The following TAB2 variants were observed in gnomAD, a reference collection of about 807,000 sequenced individuals.
TAB2 encodes TGF-beta-activated kinase 1 and MAP3K7-binding protein 2.
TAB2 carries 3 observed loss-of-function variants against 65.0 expected under a neutral mutation model. The ratio of observed to expected loss-of-function variants is 0.05; its 90% CI spans 0.02 to 0.12. TAB2 has a LOEUF of 0.12. Among genes scored for constraint, TAB2 ranks in the 10% least tolerant of loss-of-function variants. The pLI, the probability that TAB2 is intolerant of heterozygous loss-of-function variation, is 1.00. For synonymous variants in TAB2, 298 were observed against 285.1 expected (o/e 1.05, Z -0.46); for missense variants, 623 against 840.3 (o/e 0.74, Z 3.20).
At chr6:149,341,365 T>C (rs1405223706) in intron 1 of TAB2, among the ~76,000 whole-genome samples, 1 of 152,214 alleles carries the variant, frequency 6.6e-6, no homozygotes, top group Non-Finnish European at 1.5e-5. Context: ...GAAAGCCTGC[T>C]ACCTAGTTGT....
chr6:149,361,079 G>A (rs1281305109), intron 1 of TAB2, among the ~76,000 whole-genome samples: 7 of 152,208 alleles, frequency 4.6e-5, no homozygotes, highest in Admixed American at 4.6e-4. Flanking sequence ...GGTGTAAGCT[G>A]CTGGTGGACC....
chr6:149,224,493 C>G (rs1171169627), intron 1 of TAB2, among the ~76,000 whole-genome samples: 1 of 152,176 alleles, frequency 6.6e-6, no homozygotes. Flanking sequence ...GGGCTGAACT[C>G]TGAAATGATG....
chr6:149,237,299 T>C (rs1777512836), intron 1 of TAB2, among the ~76,000 whole-genome samples: 1 of 152,212 alleles, frequency 6.6e-6, no homozygotes, highest in African/African-American at 2.4e-5. Context: ...TAATGTACAA[T>C]CCCACCTCTT....
intron 1 of TAB2, 142 bp from the exon 2 acceptor site, chr6:149,369,767 A>G (rs1781158864): frequency 1.7e-6 from 1 of 600,870 alleles, no homozygotes; most frequent in Non-Finnish European, 2.9e-6. Context: ...AACTATATGG[A>G]AAGCATTTTA....
At chr6:149,284,115 G>C (rs61226167) in intron 1 of TAB2, among the ~76,000 whole-genome samples, 3,849 of 152,180 alleles carry the variant, frequency 0.025, 197 homozygotes, top group Admixed American at 0.12. Context: ...GCCCAAAGCA[G>C]CAAACCAAAG....
chr6:149,290,078 A>C (rs964273441), intron 1 of TAB2, among the ~76,000 whole-genome samples: 16 of 152,162 alleles, frequency 1.1e-4, no homozygotes, highest in African/African-American at 3.9e-4. Flanking sequence ...AAGATTGTAC[A>C]TGTTTCTTAT....
chr6:149,339,984 A>G (rs183782079), intron 1 of TAB2, among the ~76,000 whole-genome samples: 1 of 152,240 alleles, frequency 6.6e-6, no homozygotes, highest in East Asian at 1.9e-4. Context: ...TAATAATGCT[A>G]ATTTTTTGTG....
rs549094717 is a variant in TAB2 at position 149,218,762 on chromosome 6, C to A, written c.-135C>A. 557 of 456,028 alleles carry A rather than the reference C, an allele frequency of 1.2e-3. 5 individuals carry two copies. Among genetic ancestry groups the A allele is most frequent in the South Asian group, 1.9e-3 (125 of 64,524 alleles). The allele number at this position is 456,028 out of a possible 1,614,324, so 28.2% of individuals were successfully genotyped here. ...CTAAGTTTATTCCTCCAAAGCAAAC[C>A]AACTGAGAATGCAGGTAAGGCAGGA... On this transcript the variant is annotated 5_prime_UTR_variant, in exon 1 of 2. Coordinates refer to the TAB2 transcript ENST00000606202.
intron 1 of TAB2, among the ~76,000 whole-genome samples, chr6:149,242,103 G>T (rs377717534): frequency 6.6e-6 from 1 of 152,274 alleles, no homozygotes; most frequent in East Asian, 1.9e-4. Context: ...CACTGCTCGG[G>T]ATGGCCCTCC....
intron 1 of TAB2, among the ~76,000 whole-genome samples, chr6:149,273,802 C>G (rs910192940): frequency 6.6e-6 from 1 of 152,178 alleles, no homozygotes; most frequent in Non-Finnish European, 1.5e-5. Flanking sequence ...ACACACCTTC[C>G]GTGTTCAATG....
chr6:149,404,595 T>C (rs1471557893), intron 6 of TAB2, among the ~76,000 whole-genome samples: 9 of 152,092 alleles, frequency 5.9e-5, no homozygotes, highest in Admixed American at 5.9e-4. Flanking sequence ...TATTGACCAA[T>C]GGAACAGAAT....
intron 6 of TAB2, among the ~76,000 whole-genome samples, chr6:149,403,246 AAATATATATATATATATATAT>A (rs1782509196): frequency 3.2e-5 from 1 of 31,704 alleles, no homozygotes; most frequent in Non-Finnish European, 5.0e-5. Flanking sequence ...AAAAAAAAAA[AAATATATATATATATATATAT>A]ATATATATAT....
At chr6:149,296,076 G>C (rs1325660938) in intron 1 of TAB2, among the ~76,000 whole-genome samples, 1 of 152,180 alleles carries the variant, frequency 6.6e-6, no homozygotes, top group East Asian at 1.9e-4. Context: ...GCCATGCCTG[G>C]TTATCTTTGA....
At chr6:149,370,232 C>CT (rs1457551036) in intron 2 of TAB2, 133 bp downstream of exon 2, 5 of 844,742 alleles carry the variant, frequency 5.9e-6, no homozygotes, top group Non-Finnish European at 9.7e-6. Flanking sequence ...GCTTTGGTGT[C>CT]TGATAGTCAT....
intron 1 of TAB2, among the ~76,000 whole-genome samples, chr6:149,331,304 A>G (rs536460378): frequency 1.3e-5 from 2 of 152,194 alleles, no homozygotes; most frequent in South Asian, 4.1e-4. Context: ...CTAGATATAT[A>G]TTTTTTAGAA....
Position 149,329,292 on chromosome 6 carries a change from G to A in TAB2, c.-90+11277G>A, listed in dbSNP as rs139266264. ...AGAGTTGATTAGGACCCAAATTAAGGCACTGATAATGGGGTAATTAAGAAG... is the reference window on the plus strand; with the variant it reads ...AGAGTTGATTAGGACCCAAATTAAGACACTGATAATGGGGTAATTAAGAAG... On this transcript the variant is annotated intron_variant, in intron 1 of 6. Coordinates refer to ENST00000637181, the MANE Select transcript of TAB2 (RefSeq NM_001292034.3). 1.8e-3 allele frequency among the ~76,000 whole-genome samples: 276 copies of A among 152,014 alleles called. 1 individual carries two copies. The highest frequency in any genetic ancestry group is 5.6e-3 in the African/African-American group (231 of 41,436).
At chr6:149,404,742 C>A (rs910424531) in intron 6 of TAB2, among the ~76,000 whole-genome samples, 2 of 152,082 alleles carry the variant, frequency 1.3e-5, no homozygotes, top group African/African-American at 4.8e-5. Flanking sequence ...ACCATTACTT[C>A]ACACTGTATA....
intron 1 of TAB2, among the ~76,000 whole-genome samples, chr6:149,338,512 T>C (rs518879): frequency 0.12 from 18,511 of 152,218 alleles, 1,736 homozygotes; most frequent in East Asian, 0.51. Context: ...AATTGCTATT[T>C]CTGACAAAAA....
At chr6:149,357,421 GAAAAA>G (rs1244546884) in intron 1 of TAB2, among the ~76,000 whole-genome samples, 2 of 108,432 alleles carry the variant, frequency 1.8e-5, no homozygotes, top group African/African-American at 7.8e-5. Context: ...GTCTCAAGGA[GAAAAA>G]AAAAACACAC....
Sources: gnomAD v4.1 joint callset for allele counts (sites outside exome capture counted in the v4.1 genomes callset) on GRCh38, gnomAD v4.1.1 for gene constraint, MANE v1.5 for transcripts, NCBI Gene and HGNC (gene_info 2026-07-23, HGNC 2026-07-21) for gene names.